The following COL28A1 variants were observed in gnomAD, a reference collection of about 807,000 sequenced individuals.
The protein encoded by COL28A1 is collagen alpha-1(XXVIII) chain.
In COL28A1, 161 loss-of-function variants were observed where a neutral mutation model predicts 150.2. That is an observed-to-expected ratio of 1.07 (90% CI 0.94 to 1.22). The LOEUF is 1.22. Ranked by LOEUF, COL28A1 falls within the 50% of genes most tolerant of loss-of-function variation. The pLI is 0.00. For synonymous variants in COL28A1, 552 were observed against 469.7 expected, an observed-to-expected ratio of 1.18 and a Z score of -2.26; for missense variants, 1,617 against 1,388.3, an observed-to-expected ratio of 1.16 and a Z score of -2.62.
At chr7:7,357,783 C>G (rs1780411421), downstream of COL28A1, 1 of 152,146 alleles carries the variant, frequency 6.6e-6, no homozygotes, top group South Asian at 2.1e-4. Flanking sequence ...CTCCGTTACT[C>G]TCCATTACTC....
At chr7:7,394,193 C>A (rs1331969046) in intron 27 of COL28A1, among the ~76,000 whole-genome samples, 1 of 152,244 alleles carries the variant, frequency 6.6e-6, no homozygotes, top group Non-Finnish European at 1.5e-5. Flanking sequence ...GGAGGGAGTT[C>A]CCTGACCCCT....
chr7:7,461,429 C>T (rs1787612352), intron 15 of COL28A1, among the ~76,000 whole-genome samples: 1 of 152,174 alleles, frequency 6.6e-6, no homozygotes, highest in South Asian at 2.1e-4. Context: ...GCAGACTCCA[C>T]AGACAGGGGA....
intron 11 of COL28A1, among the ~76,000 whole-genome samples, chr7:7,501,895 G>A (rs146686557): frequency 1.3e-5 from 2 of 152,012 alleles, no homozygotes; most frequent in African/African-American, 4.8e-5. Flanking sequence ...CTATTGAGAC[G>A]TTCCGTTTTT....
chr7:7,454,573 C>T (rs1786989632), intron 16 of COL28A1, among the ~76,000 whole-genome samples: 1 of 151,770 alleles, frequency 6.6e-6, no homozygotes, highest in Admixed American at 6.6e-5. Context: ...TTTTCCCAAG[C>T]TGAAGAACAA....
intron 11 of COL28A1, among the ~76,000 whole-genome samples, chr7:7,499,822 G>A (rs1042010220): frequency 1.3e-5 from 2 of 152,136 alleles, no homozygotes; most frequent in Non-Finnish European, 2.9e-5. Flanking sequence ...CTAATTTTGA[G>A]CCAAACCAAG....
the COL28A1 span, among the ~76,000 whole-genome samples, chr7:7,541,865 T>G: frequency 2.0e-5 from 3 of 151,310 alleles, no homozygotes; most frequent in Non-Finnish European, 2.9e-5. Flanking sequence ...AGGCACTGGA[T>G]AGAAAACAGA....
chr7:7,483,338 C>T (rs902050477), intron 13 of COL28A1, among the ~76,000 whole-genome samples: 1 of 152,040 alleles, frequency 6.6e-6, no homozygotes, highest in African/African-American at 2.4e-5. Context: ...CATTGTATGT[C>T]AAGGAGCATC....
rs371676233 is a variant in COL28A1, at chr7:7,535,038, T to C, written c.-38+712A>G. Reference sequence around the variant, plus strand: ...TCTAATCACTTTTTACCATGTTTTATTTTGCCTCTGTTTTTAATAATTCTC... The same window carrying C: ...TCTAATCACTTTTTACCATGTTTTACTTTGCCTCTGTTTTTAATAATTCTC... On this transcript the variant is annotated intron_variant, in intron 1 of 34. Transcript: ENST00000399429. 2.5e-4 allele frequency among the ~76,000 whole-genome samples: 38 copies of C among 152,296 alleles called. 1 individual carries two copies. Among genetic ancestry groups the C allele is most frequent in the African/African-American group, 8.9e-4 (37 of 41,574 alleles).
In COL28A1 at chr7:7,506,070, G is replaced by T. The variant is rs1314466061; in HGVS notation, c.973-3C>A. 2.2e-6 allele frequency: 3 copies of T among 1,360,826 alleles called. No individual in the cohort carries two copies. The East Asian group carries it at 6.9e-5, about 31-fold the overall frequency. The allele number at this position is 1,360,826 out of a possible 1,614,324, so 84.3% of individuals were successfully genotyped here. ...TCTCCTGGAGGTCCAGTAATTCCCT[G>T]CTCCAGGATGAAAACCAAGAATTAG... On this transcript the variant is annotated splice_region_variant and splice_polypyrimidine_tract_variant and intron_variant, in intron 10 of 34. Transcript: ENST00000399429.
intron 27 of COL28A1, among the ~76,000 whole-genome samples, chr7:7,389,698 G>T (rs1782416808): frequency 1.3e-5 from 2 of 152,142 alleles, no homozygotes; most frequent in Admixed American, 1.3e-4. Context: ...AGTTCTCCTT[G>T]AAGAGGTCCT....
Position 7,373,203 on chromosome 7 carries a change from G to T in COL28A1, c.2703C>A (p.Val901=). The change falls in exon 32 of 35, where the codon GTC becomes GTA. Residue 901 remains valine, a synonymous_variant. Transcript: ENST00000399429. This position sits in a 1 kb window ranked among gnomAD's most constrained non-coding sequence, Gnocchi z 4.1. ...GAGAATCTGTCTGTCCATCAGTGAT[G>T]ACCAAGGCCACTTTTTTTACACCTG... The part of the protein sequence containing the change: ...ARPGVKKVAL[V]ITDGQTDSRD... 1.2e-6 allele frequency: 2 copies of T among 1,614,114 alleles called. No homozygotes were observed. Among genetic ancestry groups the T allele is most frequent in the South Asian group, 2.2e-5 (2 of 91,074 alleles).
At chr7:7,393,346 C>T (rs373386517) in intron 27 of COL28A1, among the ~76,000 whole-genome samples, 13 of 152,322 alleles carry the variant, frequency 8.5e-5, no homozygotes, top group Non-Finnish European at 1.0e-4. Context: ...TCGTCCCAGA[C>T]GGGTACCCAC....
In COL28A1 at chr7:7,531,628, T is replaced by A. The variant is rs1218555055; in HGVS notation, c.401A>T (p.Tyr134Phe). Residue 134 changes from tyrosine to phenylalanine, a missense_variant, in exon 3 of 35, where the codon TAT (tyrosine) becomes TTT (phenylalanine). Transcript: ENST00000399429. Reference protein sequence around the residue: ...MNLIGQGTFSYYAISNATRLL... With the variant: ...MNLIGQGTFSFYAISNATRLL... Reference sequence around the variant, plus strand: ...CCTAGTGGCATTGGAAATGGCATAATAAGAGAAGGTACCTTGCCCTATTAA... The same window carrying A: ...CCTAGTGGCATTGGAAATGGCATAAAAAGAGAAGGTACCTTGCCCTATTAA... The A allele has an allele frequency of 6.2e-7, 1 of 1,605,328 alleles. No homozygotes were observed. The highest frequency in any genetic ancestry group is 1.3e-5 in the African/African-American group (1 of 74,892).
chr7:7,444,613 T>C lies in COL28A1; in HGVS notation c.1510-124A>G. ...GAGAAATCTCATTAGCAATTAATACTAAACTATTTGATCTTGGGAAGCTAC... is the reference window on the plus strand; with the variant it reads ...GAGAAATCTCATTAGCAATTAATACCAAACTATTTGATCTTGGGAAGCTAC... On this transcript the variant is annotated intron_variant, in intron 18 of 34. Coordinates refer to ENST00000399429, the MANE Select transcript of COL28A1 (RefSeq NM_001037763.3). 5 of 880,322 alleles carry C rather than the reference T, an allele frequency of 5.7e-6. 1 individual carries two copies. The South Asian group carries it at 9.1e-5, about 16-fold the overall frequency. 54.5% of individuals were successfully genotyped at this position (880,322 alleles called of 1,614,324 possible).
intron 12 of COL28A1, 91 bp downstream of exon 12, chr7:7,490,487 A>T (rs1165100122): frequency 1.5e-6 from 1 of 652,784 alleles, no homozygotes; most frequent in Non-Finnish European, 2.7e-6. Flanking sequence ...TGTCTATTGG[A>T]TTTAGGCCAA....
At chr7:7,514,979 G>C (rs1781343323) in intron 8 of COL28A1, among the ~76,000 whole-genome samples, 1 of 152,192 alleles carries the variant, frequency 6.6e-6, no homozygotes, top group Admixed American at 6.5e-5. Context: ...GCATGATCCA[G>C]GAGAAGGAAG....
Position 7,445,863 on chromosome 7 carries a change from CT to C in COL28A1, c.1510-1375del, listed in dbSNP as rs199729364. Among the ~76,000 whole-genome samples, 925 of 141,692 alleles carry C rather than the reference CT, an allele frequency of 6.5e-3. 6 individuals carry two copies. The highest frequency in any genetic ancestry group is 7.2e-3 in the Middle Eastern group (2 of 276). 93.0% of individuals were successfully genotyped at this position (141,692 alleles called of 152,430 possible). A position where few individuals can be genotyped will look rare whatever the true frequency, so the allele number is the denominator to read the frequency against. On this transcript the variant is annotated intron_variant, in intron 18 of 34. Coordinates refer to ENST00000399429, the MANE Select transcript of COL28A1 (RefSeq NM_001037763.3). ...TAAGAAGATTCATAAAACTTAATGC[CT>C]TTTTTTTTTTTTTGAGATGGAGTTT...
intron 32 of COL28A1, among the ~76,000 whole-genome samples, chr7:7,372,016 A>G (rs548472612): frequency 6.1e-4 from 93 of 151,856 alleles, no homozygotes; most frequent in African/African-American, 2.1e-3. Flanking sequence ...TATTTTTAGT[A>G]GAGACGAGGT....
At chr7:7,342,448 T>C in the COL28A1 span, among the ~76,000 whole-genome samples, 1 of 152,114 alleles carries the variant, frequency 6.6e-6, no homozygotes. Context: ...GAATACGTTT[T>C]GGTTTAAATC....
Sources: gnomAD v4.1 joint callset for allele counts (sites outside exome capture counted in the v4.1 genomes callset) on GRCh38, gnomAD v4.1.1 for gene constraint, Gnocchi (gnomAD v3.1) non-coding constraint, MANE v1.5 for transcripts, NCBI Gene and HGNC (gene_info 2026-07-23, HGNC 2026-07-21) for gene names.